APBA1: variants seen among roughly 807,000 people sequenced by gnomAD.
APBA1 encodes the protein amyloid beta precursor protein binding family A member 1, also known as amyloid-beta A4 precursor protein-binding family A member 1.
APBA1 carries 55 observed loss-of-function variants against 86.6 expected under a neutral mutation model. The observed-to-expected ratio is 0.64, with a 90% confidence interval of 0.51 to 0.80. The LOEUF (loss-of-function observed/expected upper bound fraction) is 0.80. APBA1 is among the 30% of genes least tolerant of loss of function. APBA1 has a pLI of 0.00. For synonymous variants in APBA1, 511 were observed against 493.9 expected (o/e 1.03, Z -0.46); for missense variants, 1,090 against 1,183.0 (o/e 0.92, Z 1.15).
intron 1 of APBA1, among the ~76,000 whole-genome samples, chr9:69,523,463 G>GTATATATATATATGTATATATA (rs1370178560): frequency 9.2e-6 from 1 of 109,194 alleles, no homozygotes; most frequent in Admixed American, 1.0e-4. Flanking sequence ...TCATGTATGT[G>GTATATATATATATGTATATATA]TATATATATA....
chr9:69,602,743 T>G (rs1367832300), intron 1 of APBA1, among the ~76,000 whole-genome samples: 1 of 152,132 alleles, frequency 6.6e-6, no homozygotes, highest in African/African-American at 2.4e-5. Context: ...CTTTAGGCCC[T>G]GGGGGAGAGA....
intron 1 of APBA1, among the ~76,000 whole-genome samples, chr9:69,598,914 T>C (rs1822291729): frequency 6.6e-6 from 1 of 152,250 alleles, no homozygotes; most frequent in Admixed American, 6.5e-5. Context: ...AGGGTATTTT[T>C]ACTGCATTTT....
intron 1 of APBA1, among the ~76,000 whole-genome samples, chr9:69,644,431 C>T (rs911513730): frequency 6.6e-6 from 1 of 152,152 alleles, no homozygotes; most frequent in East Asian, 1.9e-4. Flanking sequence ...CACTATTTTT[C>T]TCATCCCCCA....
intron 2 of APBA1, among the ~76,000 whole-genome samples, chr9:69,487,853 C>G (rs1331979): frequency 0.1 from 15,303 of 152,100 alleles, 935 homozygotes; most frequent in East Asian, 0.28. Context: ...CAGTCCTCCA[C>G]CCCAAACACT....
At chr9:69,534,481 C>G (rs1329567694) in intron 1 of APBA1, among the ~76,000 whole-genome samples, 1 of 152,090 alleles carries the variant, frequency 6.6e-6, no homozygotes, top group African/African-American at 2.4e-5. Context: ...ATCAGAATCT[C>G]CAGAAGGAAG....
At chr9:69,471,897 T>G (rs1435127024) in intron 3 of APBA1, among the ~76,000 whole-genome samples, 1 of 152,254 alleles carries the variant, frequency 6.6e-6, no homozygotes, top group Non-Finnish European at 1.5e-5. Context: ...AGTCCATTCA[T>G]ATTTTAGATA....
At chr9:69,653,288 C>G (rs772420957) in intron 1 of APBA1, among the ~76,000 whole-genome samples, 9 of 152,050 alleles carry the variant, frequency 5.9e-5, no homozygotes, top group Non-Finnish European at 1.0e-4. Flanking sequence ...GCACTCAACA[C>G]CAGGGCACCC....
chr9:69,529,756 C>A (rs191593217), intron 1 of APBA1, among the ~76,000 whole-genome samples: 1 of 152,066 alleles, frequency 6.6e-6, no homozygotes, highest in Non-Finnish European at 1.5e-5. Flanking sequence ...ATTAAACAGA[C>A]CACCTATAGA....
chr9:69,604,458 G>A (rs528287763), intron 1 of APBA1, among the ~76,000 whole-genome samples: 29 of 149,966 alleles, frequency 1.9e-4, no homozygotes, highest in African/African-American at 6.4e-4. Flanking sequence ...AAATGAGTGC[G>A]GGCACACATG....
chr9:69,567,253 G>T (rs1451234434), intron 1 of APBA1, among the ~76,000 whole-genome samples: 1 of 152,128 alleles, frequency 6.6e-6, no homozygotes, highest in Non-Finnish European at 1.5e-5. Context: ...AGAGAGAGAA[G>T]GGTGATTCCC....
intron 11 of APBA1, among the ~76,000 whole-genome samples, chr9:69,439,569 T>A (rs112667382): frequency 6.6e-6 from 1 of 152,254 alleles, no homozygotes; most frequent in Admixed American, 6.5e-5. Flanking sequence ...TTCTTCCAGT[T>A]GATCACATCG....
intron 1 of APBA1, among the ~76,000 whole-genome samples, chr9:69,667,716 C>T (rs1823868485): frequency 1.3e-5 from 2 of 151,716 alleles, no homozygotes; most frequent in South Asian, 4.2e-4. Flanking sequence ...TACCACTTTC[C>T]CTCTACTACA....
chr9:69,434,008 T>C (rs1834651168), intron 11 of APBA1, among the ~76,000 whole-genome samples: 1 of 152,170 alleles, frequency 6.6e-6, no homozygotes, highest in African/African-American at 2.4e-5. Context: ...GACTGGGCTT[T>C]GCCATGTTGG....
chr9:69,500,970 T>G (rs1588323578), intron 2 of APBA1, among the ~76,000 whole-genome samples: 1 of 152,122 alleles, frequency 6.6e-6, no homozygotes, highest in South Asian at 2.1e-4. Flanking sequence ...AAAAGTCTAT[T>G]TTCAGCTATT....
intron 1 of APBA1, among the ~76,000 whole-genome samples, chr9:69,537,453 C>T (rs978436913): frequency 1.3e-5 from 2 of 152,022 alleles, no homozygotes; most frequent in African/African-American, 4.8e-5. Context: ...GGGGATCCAT[C>T]CTCAATTCAG....
chr9:69,456,119 G>T, intron 8 of APBA1, 128 bp downstream of exon 8: 2 of 1,071,320 alleles, frequency 1.9e-6, no homozygotes, highest in Non-Finnish European at 2.8e-6. Flanking sequence ...TCTAGTGCTG[G>T]AACAGTGCCT....
chr9:69,549,391 C>T (rs1190864242), intron 1 of APBA1, among the ~76,000 whole-genome samples: 1 of 152,174 alleles, frequency 6.6e-6, no homozygotes, highest in African/African-American at 2.4e-5. Context: ...AGAGAGGATA[C>T]ACAGCCAGCC....
At chr9:69,672,606 G>A (rs1350532724), upstream of APBA1, 1 of 150,792 alleles carries the variant, frequency 6.6e-6, no homozygotes, top group Non-Finnish European at 1.5e-5. Context: ...GCCGGCTGCA[G>A]CGCCCCTGCC....
intron 2 of APBA1, among the ~76,000 whole-genome samples, chr9:69,483,217 C>A (rs574122703): frequency 2.0e-5 from 3 of 150,510 alleles, no homozygotes; most frequent in Non-Finnish European, 4.4e-5. Context: ...TGCGCTGCTT[C>A]ACAGTCTGTT....
Sources: allele counts gnomAD v4.1 joint callset (sites outside exome capture counted in the v4.1 genomes callset), GRCh38; gene constraint gnomAD v4.1.1; transcripts MANE v1.5; gene names NCBI Gene and HGNC (gene_info 2026-07-23, HGNC 2026-07-21).